WWOX: variants seen among roughly 807,000 people sequenced by gnomAD.
WWOX encodes the protein WW domain containing oxidoreductase.
Under a neutral mutation model 46.2 loss-of-function variants are expected in WWOX, and 69 were observed. The observed-to-expected ratio is 1.49, with a 90% CI of 1.23 to 1.82. The LOEUF is 1.82. WWOX is among the 40% of genes most tolerant of loss of function. The probability of loss-of-function intolerance (pLI) is 0.00; values close to 1 mark genes in which losing one functional copy is unlikely to be tolerated. For synonymous variants in WWOX, 359 were observed against 202.6 expected (o/e 1.77, Z -6.56); for missense variants, 919 against 542.6 (o/e 1.69, Z -6.89).
intron 5 of WWOX, among the ~76,000 whole-genome samples, chr16:78,210,095 C>T (rs1207974493): frequency 6.6e-6 from 1 of 152,024 alleles, no homozygotes. Flanking sequence ...AGCTGAAGTT[C>T]CAGACGCCGA....
chr16:78,227,349 A>G (rs1168738565), intron 5 of WWOX, among the ~76,000 whole-genome samples: 1 of 152,164 alleles, frequency 6.6e-6, no homozygotes, highest in East Asian at 1.9e-4. Context: ...ATCATGTGTT[A>G]CCTGAGACTC....
Position 78,099,841 on chromosome 16 carries a change from C to T in WWOX, c.63C>T (p.Gly21=), listed in dbSNP as rs1314188953. The change falls in exon 1 of 9, where the codon GGC becomes GGT. Residue 21 remains glycine (G), a synonymous_variant. Coordinates refer to ENST00000566780, the MANE Select transcript of WWOX (RefSeq NM_016373.4). Reference sequence around the variant, plus strand: ...ACAGTGAGGACGAGCTGCCTCCGGGCTGGGAGGAGAGAACCACCAAGGACG... The same window carrying T: ...ACAGTGAGGACGAGCTGCCTCCGGGTTGGGAGGAGAGAACCACCAAGGACG... ...DTDSEDELPP[G]WEERTTKDGW... 2 of 1,582,048 alleles carry T rather than the reference C, an allele frequency of 1.3e-6. No individual in the cohort carries two copies. Among genetic ancestry groups the T allele is most frequent in the East Asian group, 2.3e-5 (1 of 42,856 alleles).
intron 8 of WWOX, among the ~76,000 whole-genome samples, chr16:78,935,944 C>G (rs1354323629): frequency 6.6e-6 from 1 of 151,886 alleles, no homozygotes; most frequent in Non-Finnish European, 1.5e-5. Context: ...GCAGCAGCAG[C>G]AGCAGCTAGG....
chr16:78,141,091 CA>C (rs1363235933), intron 4 of WWOX, among the ~76,000 whole-genome samples: 5 of 152,106 alleles, frequency 3.3e-5, no homozygotes, highest in African/African-American at 1.2e-4. Flanking sequence ...CATTAGGAAC[CA>C]AGGGGGGATT....
chr16:79,035,598 G>A (rs1038389834), intron 8 of WWOX, among the ~76,000 whole-genome samples: 8 of 152,176 alleles, frequency 5.3e-5, no homozygotes, highest in African/African-American at 1.9e-4. Flanking sequence ...GAGTGTGGTA[G>A]GTGGGATCTT....
At chr16:78,605,368 A>G (rs1305742727) in intron 8 of WWOX, among the ~76,000 whole-genome samples, 1 of 152,006 alleles carries the variant, frequency 6.6e-6, no homozygotes, top group Non-Finnish European at 1.5e-5. Context: ...CCTTAAAAAA[A>G]AAAAAATCCA....
intron 8 of WWOX, among the ~76,000 whole-genome samples, chr16:79,037,996 C>G (rs192520216): frequency 6.6e-6 from 1 of 152,134 alleles, no homozygotes; most frequent in Admixed American, 6.5e-5. Context: ...CTCGTTAACA[C>G]ATGATGGCAA....
At chr16:78,462,896 C>G (rs1189949054) in intron 8 of WWOX, among the ~76,000 whole-genome samples, 1 of 152,166 alleles carries the variant, frequency 6.6e-6, no homozygotes, top group Non-Finnish European at 1.5e-5. Flanking sequence ...TACTGTTTCC[C>G]TTGGGCACGC....
At chr16:79,125,886 G>A (rs998093193) in intron 8 of WWOX, among the ~76,000 whole-genome samples, 1 of 152,120 alleles carries the variant, frequency 6.6e-6, no homozygotes, top group African/African-American at 2.4e-5. Context: ...GATTATCGTC[G>A]AAGGCGTGGT....
chr16:78,493,684 C>G (rs1200174641), intron 8 of WWOX, among the ~76,000 whole-genome samples: 2 of 152,122 alleles, frequency 1.3e-5, no homozygotes, highest in East Asian at 1.9e-4. Flanking sequence ...CCACAGCACT[C>G]CTTCTGAATA....
intron 8 of WWOX, among the ~76,000 whole-genome samples, chr16:78,758,342 C>A (rs544969098): frequency 6.6e-6 from 1 of 152,170 alleles, no homozygotes; most frequent in East Asian, 1.9e-4. Flanking sequence ...TATTAAAAAC[C>A]AAAGCAAGAT....
At chr16:79,012,560 A>T (rs75823305) in intron 8 of WWOX, among the ~76,000 whole-genome samples, 1 of 152,138 alleles carries the variant, frequency 6.6e-6, no homozygotes, top group East Asian at 1.9e-4. Flanking sequence ...ATTTGATATC[A>T]TTGTGATCAA....
chr16:78,821,123 G>T (rs936069240), intron 8 of WWOX, among the ~76,000 whole-genome samples: 1 of 152,178 alleles, frequency 6.6e-6, no homozygotes, highest in African/African-American at 2.4e-5. Flanking sequence ...CCACTGCACT[G>T]CATCAAACGT....
intron 2 of WWOX, among the ~76,000 whole-genome samples, 190 bp downstream of exon 2, chr16:78,108,677 A>G (rs1036906573): frequency 3.3e-5 from 5 of 152,170 alleles, no homozygotes; most frequent in African/African-American, 4.8e-5. Context: ...AGTGAGGATG[A>G]TTTCTTACTG....
chr16:78,731,113 T>C (rs896893019), intron 8 of WWOX, among the ~76,000 whole-genome samples: 8 of 152,316 alleles, frequency 5.3e-5, no homozygotes, highest in African/African-American at 1.7e-4. Flanking sequence ...GCTTTTGTTT[T>C]TTGAGTGAAT....
At chr16:78,934,840 C>G (rs1488849393) in intron 8 of WWOX, among the ~76,000 whole-genome samples, 1 of 152,168 alleles carries the variant, frequency 6.6e-6, no homozygotes, top group African/African-American at 2.4e-5. Context: ...TGGCTCGCAT[C>G]TATAATCGCA....
chr16:78,336,617 C>G (rs1454577528), intron 5 of WWOX, among the ~76,000 whole-genome samples: 1 of 151,952 alleles, frequency 6.6e-6, no homozygotes. Flanking sequence ...AACACAGTCC[C>G]CATCTGTACT....
At chr16:78,178,502 T>G (rs1160705727) in intron 5 of WWOX, among the ~76,000 whole-genome samples, 1 of 152,162 alleles carries the variant, frequency 6.6e-6, no homozygotes, top group Non-Finnish European at 1.5e-5. Context: ...ATGGGCACTT[T>G]AGGAGTAGGA....
At chr16:78,870,080 C>T (rs1398771878) in intron 8 of WWOX, among the ~76,000 whole-genome samples, 2 of 152,184 alleles carry the variant, frequency 1.3e-5, no homozygotes, top group South Asian at 2.1e-4. Flanking sequence ...ATTGGTCTGT[C>T]ACCTGTCCAT....
Sources: allele counts gnomAD v4.1 joint callset (sites outside exome capture counted in the v4.1 genomes callset), GRCh38; gene constraint gnomAD v4.1.1; transcripts MANE v1.5; gene names NCBI Gene and HGNC (gene_info 2026-07-23, HGNC 2026-07-21).